Variants in ZNF516 observed in about 807,000 individuals in gnomAD.
ZNF516 encodes the protein zinc finger protein 516.
A neutral mutation model predicts 79.7 loss-of-function variants in ZNF516; 19 were observed. The ratio of observed to expected loss-of-function variants is 0.24; its 90% CI spans 0.17 to 0.35. ZNF516 has a LOEUF of 0.35. Ranked by LOEUF, ZNF516 falls within the 10% of genes least tolerant of loss-of-function variation. The pLI is 1.00. For missense variants in ZNF516, 1,678 were observed against 1,679.5 expected, an observed-to-expected ratio of 1.00 and a Z score of 0.02; for synonymous variants, 877 against 739.5, an observed-to-expected ratio of 1.19 and a Z score of -3.02.
intron 3 of ZNF516, among the ~76,000 whole-genome samples, chr18:76,400,429 G>A (rs1341469610): frequency 6.6e-6 from 1 of 152,132 alleles, no homozygotes; most frequent in Non-Finnish European, 1.5e-5. Flanking sequence ...CTACCTAAAC[G>A]CCCAGAAAGT....
At position 76,379,347 on chromosome 18, in the gene ZNF516, C is replaced by T. The variant is rs763503442; in HGVS notation, c.2767G>A (p.Gly923Arg). 4.4e-6 allele frequency: 7 copies of T among 1,592,952 alleles called. No individual in the cohort carries two copies. Among genetic ancestry groups the T allele is most frequent in the African/African-American group, 2.7e-5 (2 of 74,192 alleles). Reference sequence around the variant, plus strand: ...GGGGTGGCGCTCCTGCTGAAGCCCCCGCCACCCGGGGCAGGCACCGGTTTG... The same window carrying T: ...GGGGTGGCGCTCCTGCTGAAGCCCCTGCCACCCGGGGCAGGCACCGGTTTG... ...SSKPVPAPGG[G>R]GFSRSATPTP... The change falls in exon 4 of 7, where the codon GGG becomes AGG. Residue 923 changes from glycine to arginine, a missense_variant. Physicochemically the swap from Gly to Arg is moderately radical, Grantham distance 125 (BLOSUM62 -2). Around this residue, in one of 5 missense-constraint regions of ZNF516, gnomAD observed 1,294 missense variants for 1,248.3 expected, o/e 1.04. Transcript: ENST00000443185.
At chr18:76,440,364 A>T (rs1051587049) in intron 3 of ZNF516, among the ~76,000 whole-genome samples, 1 of 152,216 alleles carries the variant, frequency 6.6e-6, no homozygotes, top group Non-Finnish European at 1.5e-5. Context: ...GATTTCTATC[A>T]CTCTTAACAG....
At chr18:76,476,678 T>C (rs1287234740) in intron 1 of ZNF516, among the ~76,000 whole-genome samples, 2 of 152,218 alleles carry the variant, frequency 1.3e-5, no homozygotes, top group Non-Finnish European at 2.9e-5. Flanking sequence ...TTGTGTCAGT[T>C]TTCCACTAAC....
At position 76,459,538 on chromosome 18, in the gene ZNF516, T is replaced by A. The variant is rs1404996007; in HGVS notation, c.-158+3490A>T. On this transcript the variant is annotated intron_variant, in intron 2 of 6. Coordinates refer to ENST00000443185, the MANE Select transcript of ZNF516 (RefSeq NM_014643.4). The surrounding 1 kb of genome is among the most constrained non-coding windows in gnomAD (Gnocchi z 5.0). ...CGTGTGCACCCCATCGGGCACCGCG[T>A]CGCCTCCCTCGGAATGTATTCCAGC... Among the ~76,000 whole-genome samples, 4 of 152,142 alleles carry A rather than the reference T, an allele frequency of 2.6e-5. No individual in the cohort carries two copies. The highest frequency in any genetic ancestry group is 9.7e-5 in the African/African-American group (4 of 41,432).
intron 3 of ZNF516, among the ~76,000 whole-genome samples, chr18:76,403,736 C>T (rs1037764678): frequency 1.3e-5 from 2 of 152,232 alleles, no homozygotes; most frequent in Admixed American, 1.3e-4. Context: ...AGAAATCACA[C>T]ACATACCACG....
At chr18:76,370,633 G>A (rs537013553) in intron 5 of ZNF516, 38 bp from the exon 6 acceptor site, 4 of 1,536,100 alleles carry the variant, frequency 2.6e-6, no homozygotes, top group Admixed American at 2.0e-5. Context: ...ATCAGCGTGT[G>A]AGCTTCCGGA....
chr18:76,431,330 G>T (rs1053865602), intron 3 of ZNF516, among the ~76,000 whole-genome samples: 2 of 152,196 alleles, frequency 1.3e-5, no homozygotes, highest in African/African-American at 4.8e-5. Context: ...CTAAACTTAT[G>T]AAATAATTCA....
chr18:76,400,775 T>C (rs1174700962), intron 3 of ZNF516, among the ~76,000 whole-genome samples: 2 of 152,216 alleles, frequency 1.3e-5, no homozygotes, highest in Non-Finnish European at 2.9e-5. Context: ...AATATAAATA[T>C]TGAGTCTCAG....
intron 3 of ZNF516, among the ~76,000 whole-genome samples, chr18:76,419,629 A>T (rs868609226): frequency 6.6e-6 from 1 of 152,164 alleles, no homozygotes; most frequent in East Asian, 1.9e-4. Context: ...GTGACAGCGA[A>T]TAAGTCTCAC....
intron 6 of ZNF516, among the ~76,000 whole-genome samples, chr18:76,368,668 TAG>T (rs898205325): frequency 1.3e-5 from 2 of 152,198 alleles, no homozygotes; most frequent in Non-Finnish European, 2.9e-5. Context: ...TATTTTAGTC[TAG>T]AGAGACAAAG....
chr18:76,371,975 G>A (rs1196274115), intron 4 of ZNF516, among the ~76,000 whole-genome samples: 3 of 152,214 alleles, frequency 2.0e-5, no homozygotes, highest in Non-Finnish European at 2.9e-5. Context: ...AAGTGAGCGG[G>A]ACCAGAGCCC....
intron 1 of ZNF516, among the ~76,000 whole-genome samples, chr18:76,494,547 CG>C (rs1323291241): frequency 4.0e-5 from 6 of 150,912 alleles, no homozygotes; most frequent in Admixed American, 2.6e-4. Context: ...GGCAAGCAGC[CG>C]GGGAGGGGGC....
intron 3 of ZNF516, among the ~76,000 whole-genome samples, chr18:76,407,249 G>C (rs1422529538): frequency 6.6e-6 from 1 of 152,044 alleles, no homozygotes; most frequent in African/African-American, 2.4e-5. Flanking sequence ...GGGCAACAGA[G>C]ACCCCATCTC....
chr18:76,380,332 G>A (rs1188506755), intron 3 of ZNF516, 29 bp from the exon 4 acceptor site: 3 of 1,603,084 alleles, frequency 1.9e-6, no homozygotes, highest in Non-Finnish European at 2.6e-6. Flanking sequence ...GAAACGGGAA[G>A]TTACCATTTC....
At chr18:76,425,328 A>T (rs987462866) in intron 3 of ZNF516, among the ~76,000 whole-genome samples, 8 of 152,260 alleles carry the variant, frequency 5.3e-5, no homozygotes, top group Admixed American at 1.3e-4. Flanking sequence ...AATTCCCAAA[A>T]GAATGGTGAT....
intron 3 of ZNF516, among the ~76,000 whole-genome samples, chr18:76,402,488 G>A (rs1170053716): frequency 1.3e-5 from 2 of 152,268 alleles, no homozygotes; most frequent in Admixed American, 6.5e-5. Flanking sequence ...TGCCACCCAC[G>A]TGACAGGACA....
At chr18:76,495,374 C>A (rs1248010977), upstream of ZNF516, 1 of 145,998 alleles carries the variant, frequency 6.8e-6, no homozygotes, top group Admixed American at 6.8e-5. Flanking sequence ...GGCCCCGGCG[C>A]GAGCCGGGCT....
At position 76,493,559 on chromosome 18, in the gene ZNF516, C is replaced by T. The variant is rs1046914619; in HGVS notation, c.-272+1585G>A. On this transcript the variant is annotated intron_variant, in intron 1 of 6. Transcript: ENST00000443185. The surrounding 1 kb of genome is among the most constrained non-coding windows in gnomAD (Gnocchi z 5.2). ...TGACCTATTTTTGGCTGGAGATAAA[C>T]GATCATGTTAACAGATGTTAATCTT... is the stretch of plus-strand genomic sequence containing the variant. 6.6e-6 allele frequency: 1 copy of T among 151,976 alleles called. No individual in the cohort carries two copies. Among genetic ancestry groups the T allele is most frequent in the South Asian group, 2.1e-4 (1 of 4,768 alleles). The allele number at this position is 151,976 out of a possible 1,614,324, so 9.4% of individuals were successfully genotyped here.
At chr18:76,489,456 G>T (rs1243783815) in intron 1 of ZNF516, among the ~76,000 whole-genome samples, 1 of 152,276 alleles carries the variant, frequency 6.6e-6, no homozygotes, top group African/African-American at 2.4e-5. Context: ...CTTGCAGGGG[G>T]AAGTTAGGTA....
Sources: allele counts gnomAD v4.1 joint callset (sites outside exome capture counted in the v4.1 genomes callset), GRCh38; gene constraint gnomAD v4.1.1; regional missense constraint gnomAD v4.1.1; non-coding constraint Gnocchi (gnomAD v3.1); transcripts MANE v1.5; gene names NCBI Gene and HGNC (gene_info 2026-07-23, HGNC 2026-07-21).